Variants in ASIC2 observed in about 807,000 individuals in gnomAD.
ASIC2 encodes the protein acid-sensing ion channel 2.
A neutral mutation model predicts 57.3 loss-of-function variants in ASIC2; 25 were observed. The ratio of observed to expected loss-of-function variants is 0.44; its 90% CI spans 0.32 to 0.61. The LOEUF (loss-of-function observed/expected upper bound fraction) is 0.61. Ranked by LOEUF, ASIC2 falls within the 20% of genes least tolerant of loss-of-function variation. ASIC2 has a pLI of 0.06. For missense variants in ASIC2, 641 were observed against 738.1 expected (o/e 0.87, Z 1.52); for synonymous variants, 319 against 307.5 (o/e 1.04, Z -0.39).
At chr17:33,325,362 C>A (rs1173232722) in intron 1 of ASIC2, among the ~76,000 whole-genome samples, 1 of 152,114 alleles carries the variant, frequency 6.6e-6, no homozygotes, top group African/African-American at 2.4e-5. Flanking sequence ...ATGGTACCTG[C>A]AGGCTGAACA....
intron 2 of ASIC2, among the ~76,000 whole-genome samples, chr17:33,098,724 C>T (rs750060930): frequency 5.4e-4 from 82 of 152,038 alleles, no homozygotes; most frequent in Non-Finnish European, 6.9e-4. Flanking sequence ...TTTGTTGATC[C>T]GAGTGTTACC....
At chr17:33,322,353 C>A (rs1906903491) in intron 1 of ASIC2, among the ~76,000 whole-genome samples, 1 of 152,104 alleles carries the variant, frequency 6.6e-6, no homozygotes, top group African/African-American at 2.4e-5. Flanking sequence ...CGAATGAGAG[C>A]CTTGTTTTCA....
intron 1 of ASIC2, among the ~76,000 whole-genome samples, chr17:33,262,330 G>A (rs964481861): frequency 6.6e-6 from 1 of 151,726 alleles, no homozygotes; most frequent in African/African-American, 2.4e-5. Flanking sequence ...AGGGAGAAAG[G>A]GAGGGAGGGG....
At chr17:33,557,471 G>A (rs1915941342) in intron 1 of ASIC2, among the ~76,000 whole-genome samples, 1 of 152,138 alleles carries the variant, frequency 6.6e-6, no homozygotes, top group Admixed American at 6.6e-5. Flanking sequence ...CATGGTCTAG[G>A]CGTGTAAGTA....
intron 1 of ASIC2, among the ~76,000 whole-genome samples, chr17:33,470,633 C>T (rs1295382091): frequency 6.6e-6 from 1 of 152,194 alleles, no homozygotes; most frequent in Non-Finnish European, 1.5e-5. Context: ...ATCACCTGCT[C>T]TTCAGTTCTT....
At chr17:33,359,603 G>A (rs1397332135) in intron 1 of ASIC2, among the ~76,000 whole-genome samples, 1 of 152,180 alleles carries the variant, frequency 6.6e-6, no homozygotes, top group African/African-American at 2.4e-5. Context: ...TATCATCCAT[G>A]CACCAAAAAC....
chr17:33,497,180 C>T (rs1913963189), intron 1 of ASIC2, among the ~76,000 whole-genome samples: 1 of 152,202 alleles, frequency 6.6e-6, no homozygotes, highest in South Asian at 2.1e-4. Flanking sequence ...TCCCCTTCTT[C>T]AATGAATGAA....
At chr17:33,706,484 A>G (rs1908867896) in intron 1 of ASIC2, among the ~76,000 whole-genome samples, 1 of 151,910 alleles carries the variant, frequency 6.6e-6, no homozygotes, top group African/African-American at 2.4e-5. Context: ...TTCACCTCCC[A>G]AAGTGCTGGG....
intron 1 of ASIC2, among the ~76,000 whole-genome samples, chr17:33,787,142 A>C (rs1911624111): frequency 6.6e-6 from 1 of 152,238 alleles, no homozygotes; most frequent in South Asian, 2.1e-4. Context: ...CAGCGTGCTC[A>C]CAAAAGGCAG....
intron 1 of ASIC2, among the ~76,000 whole-genome samples, chr17:33,444,893 C>A (rs952220009): frequency 6.6e-6 from 1 of 152,192 alleles, no homozygotes; most frequent in African/African-American, 2.4e-5. Context: ...TCCAGCTCAT[C>A]ACTTGCTTTT....
chr17:33,781,290 T>G (rs1391051064), intron 1 of ASIC2, among the ~76,000 whole-genome samples: 1 of 152,242 alleles, frequency 6.6e-6, no homozygotes, highest in Non-Finnish European at 1.5e-5. Flanking sequence ...GAGACGCCTC[T>G]CCACAGCATT....
intron 1 of ASIC2, among the ~76,000 whole-genome samples, chr17:33,970,367 G>A (rs576841276): frequency 4.6e-5 from 7 of 152,268 alleles, no homozygotes; most frequent in Admixed American, 2.6e-4. Context: ...ACCAGGCCAC[G>A]CTCTCCTTGG....
chr17:34,037,409 T>C (rs1193711390), intron 1 of ASIC2: 1 of 507,882 alleles, frequency 2.0e-6, no homozygotes, highest in East Asian at 3.3e-5. Context: ...GGCGGGGCCT[T>C]TTCCTACAAG....
chr17:33,443,405 G>GATTTTTT (rs1911894773), intron 1 of ASIC2, among the ~76,000 whole-genome samples: 1 of 99,480 alleles, frequency 1.0e-5, no homozygotes, highest in Non-Finnish European at 2.1e-5. Context: ...TGGAGGGTAA[G>GATTTTTT]ATTTTTTTTT....
chr17:33,579,594 G>T (rs1042999639), intron 1 of ASIC2, among the ~76,000 whole-genome samples: 1 of 151,832 alleles, frequency 6.6e-6, no homozygotes, highest in African/African-American at 2.4e-5. Flanking sequence ...TCTTAAAGAT[G>T]GTGTGTCGGG....
intron 1 of ASIC2, among the ~76,000 whole-genome samples, chr17:33,604,521 T>C (rs1216403655): frequency 2.0e-5 from 3 of 152,126 alleles, no homozygotes; most frequent in Admixed American, 1.3e-4. Context: ...TGGCAAACAG[T>C]TGTGGAGCAC....
chr17:33,213,841 C>T (rs1395951534), intron 1 of ASIC2, among the ~76,000 whole-genome samples: 1 of 152,166 alleles, frequency 6.6e-6, no homozygotes, highest in African/African-American at 2.4e-5. Flanking sequence ...GTAGGTGGTC[C>T]AAGCCCTGGA....
chr17:33,929,138 C>A (rs1197757977), intron 1 of ASIC2, among the ~76,000 whole-genome samples: 2 of 152,124 alleles, frequency 1.3e-5, no homozygotes, highest in South Asian at 2.1e-4. Flanking sequence ...CCCTCAGACC[C>A]CCCATTGGAT....
intron 1 of ASIC2, among the ~76,000 whole-genome samples, chr17:33,576,737 T>C (rs1916635110): frequency 1.3e-5 from 2 of 151,586 alleles, no homozygotes; most frequent in South Asian, 4.2e-4. Context: ...CCTTACTCCC[T>C]ACCCATAAAT....
Sources: gnomAD v4.1 joint callset for allele counts (sites outside exome capture counted in the v4.1 genomes callset) on GRCh38, gnomAD v4.1.1 for gene constraint, MANE v1.5 for transcripts, NCBI Gene and HGNC (gene_info 2026-07-23, HGNC 2026-07-21) for gene names.